The following MAST4 variants were observed in gnomAD, a reference collection of about 807,000 sequenced individuals.
MAST4 encodes the protein microtubule-associated serine/threonine-protein kinase 4.
MAST4 carries 89 observed loss-of-function variants against 162.7 expected under a neutral mutation model. That is an observed-to-expected ratio of 0.55 (90% CI 0.46 to 0.65). The LOEUF (loss-of-function observed/expected upper bound fraction) is 0.65. MAST4 is among the 30% of genes least tolerant of loss of function. The pLI is 0.00. For synonymous variants in MAST4, 1,479 were observed against 1,361.1 expected, an observed-to-expected ratio of 1.09 and a Z score of -1.91; for missense variants, 3,153 against 3,374.0, an observed-to-expected ratio of 0.93 and a Z score of 1.62.
chr5:66,833,432 A>G (rs961630776), intron 3 of MAST4, among the ~76,000 whole-genome samples: 2 of 152,150 alleles, frequency 1.3e-5, no homozygotes, highest in Non-Finnish European at 1.5e-5. Flanking sequence ...CCCAGAGTCC[A>G]TATCACTGCC....
chr5:67,046,905 A>G (rs569257662), intron 4 of MAST4, among the ~76,000 whole-genome samples: 8 of 152,206 alleles, frequency 5.3e-5, no homozygotes, highest in Non-Finnish European at 1.2e-4. Context: ...AAGGTCAAGT[A>G]TCAAGCCAAT....
intron 1 of MAST4, among the ~76,000 whole-genome samples, chr5:66,597,761 A>G (rs1233542730): frequency 2.0e-5 from 3 of 152,126 alleles, no homozygotes; most frequent in Non-Finnish European, 4.4e-5. Context: ...GTTCCTCCAG[A>G]ACTTGTGGGT....
At chr5:66,674,109 G>A (rs1369893946) in intron 1 of MAST4, among the ~76,000 whole-genome samples, 1 of 152,166 alleles carries the variant, frequency 6.6e-6, no homozygotes, top group Non-Finnish European at 1.5e-5. Flanking sequence ...TAATCATTGG[G>A]TCATACAACC....
At chr5:66,919,322 A>G (rs1481270818) in intron 4 of MAST4, among the ~76,000 whole-genome samples, 2 of 152,098 alleles carry the variant, frequency 1.3e-5, no homozygotes, top group African/African-American at 4.8e-5. Context: ...ATATGAACTT[A>G]TCATCTTTAC....
Position 66,608,977 on chromosome 5 carries a change from A to C in MAST4, c.363+11959A>C, listed in dbSNP as rs113123534. ...TCTTAACACTAGAAGATATTGTTCTAGATGGAATCACAAAGGATGGTTTTT... is the reference window on the plus strand; with the variant it reads ...TCTTAACACTAGAAGATATTGTTCTCGATGGAATCACAAAGGATGGTTTTT... On this transcript the variant is annotated intron_variant, in intron 1 of 28. Coordinates refer to ENST00000403625, the MANE Select transcript of MAST4 (RefSeq NM_001164664.2). Among the ~76,000 whole-genome samples the C allele has an allele frequency of 7.0e-3, 1,064 of 152,074 alleles. 9 individuals carry two copies. The highest frequency in any genetic ancestry group is 0.025 in the African/African-American group (1,021 of 41,476).
At chr5:66,644,598 G>C (rs1448751603) in intron 1 of MAST4, among the ~76,000 whole-genome samples, 1 of 152,112 alleles carries the variant, frequency 6.6e-6, no homozygotes, top group African/African-American at 2.4e-5. Context: ...GCCTCCAAAG[G>C]ATACAAGTAG....
At chr5:66,619,437 G>A (rs903409746) in intron 1 of MAST4, among the ~76,000 whole-genome samples, 1 of 152,134 alleles carries the variant, frequency 6.6e-6, no homozygotes, top group Non-Finnish European at 1.5e-5. Flanking sequence ...GCAGAATCCT[G>A]TGGAATTTTG....
Position 66,958,137 on chromosome 5 carries a change from G to T in MAST4, c.674+58155G>T, listed in dbSNP as rs188385739. On this transcript the variant is annotated intron_variant, in intron 4 of 28. Coordinates refer to ENST00000403625, the MANE Select transcript of MAST4 (RefSeq NM_001164664.2). ...TCTCTCTCTTTGTGTGTGTGTGTAT[G>T]TGTGAAAGAGAAAGAGAGAGAGAGA... 2.0e-5 allele frequency among the ~76,000 whole-genome samples: 3 copies of T among 151,708 alleles called. No individual in the cohort carries two copies. The East Asian group carries it at 5.8e-4, about 29-fold the overall frequency.
At chr5:66,613,011 A>G (rs191085725) in intron 1 of MAST4, among the ~76,000 whole-genome samples, 1 of 152,302 alleles carries the variant, frequency 6.6e-6, no homozygotes, top group East Asian at 1.9e-4. Flanking sequence ...ATGGCTTTGT[A>G]TCTTATCAAG....
At chr5:67,080,674 C>G (rs1223420143) in intron 5 of MAST4, among the ~76,000 whole-genome samples, 1 of 151,876 alleles carries the variant, frequency 6.6e-6, no homozygotes, top group Non-Finnish European at 1.5e-5. Context: ...CTTAGTTTTG[C>G]TTCTGATAAT....
intron 5 of MAST4, among the ~76,000 whole-genome samples, chr5:67,069,780 T>C (rs1413762049): frequency 6.6e-6 from 1 of 152,098 alleles, no homozygotes; most frequent in Non-Finnish European, 1.5e-5. Context: ...CTAAAGCCTA[T>C]TTTTGCACAT....
chr5:67,035,356 G>A (rs1755876461), intron 4 of MAST4, among the ~76,000 whole-genome samples: 2 of 151,798 alleles, frequency 1.3e-5, no homozygotes, highest in Non-Finnish European at 1.5e-5. Context: ...GATAGACTTT[G>A]GCTAAAAAAA....
At chr5:66,722,631 A>G (rs1351807990) in intron 1 of MAST4, among the ~76,000 whole-genome samples, 3 of 152,220 alleles carry the variant, frequency 2.0e-5, no homozygotes, top group Non-Finnish European at 4.4e-5. Context: ...AGGGAACTCA[A>G]TGAATATTTG....
chr5:66,651,248 A>G (rs1310865257), intron 1 of MAST4, among the ~76,000 whole-genome samples: 1 of 151,906 alleles, frequency 6.6e-6, no homozygotes, highest in Non-Finnish European at 1.5e-5. Flanking sequence ...ATTTAGGGGT[A>G]AAAAATGAAG....
At chr5:67,103,034 T>C (rs974469030) in intron 9 of MAST4, among the ~76,000 whole-genome samples, 1 of 152,272 alleles carries the variant, frequency 6.6e-6, no homozygotes, top group African/African-American at 2.4e-5. Flanking sequence ...TTGTTGTTTT[T>C]CCACATTACT....
intron 1 of MAST4, among the ~76,000 whole-genome samples, chr5:66,722,357 T>C (rs1751264244): frequency 2.0e-5 from 3 of 152,106 alleles, no homozygotes; most frequent in African/African-American, 7.2e-5. Flanking sequence ...CCTTAACTCC[T>C]TTAAGTCTTC....
Position 67,152,696 on chromosome 5 carries a change from CCTT to C in MAST4, c.3363_3365del (p.Ser1122del), listed in dbSNP as rs760780496. The C allele has an allele frequency of 6.9e-5, 112 of 1,613,948 alleles. No individual in the cohort carries two copies. The highest frequency in any genetic ancestry group is 4.4e-4 in the African/African-American group (33 of 74,942). ...GTCTCCCCATTCCCTGTCCTCGGAC[CCTT>C]CTTCTTCACGAGATTCCTCTCCCAG... On this transcript the variant is annotated inframe_deletion, in exon 25 of 29. Coordinates refer to ENST00000403625, the MANE Select transcript of MAST4 (RefSeq NM_001164664.2).
chr5:66,948,210 C>T (rs183446226), intron 4 of MAST4, among the ~76,000 whole-genome samples: 3 of 152,138 alleles, frequency 2.0e-5, no homozygotes, highest in South Asian at 2.1e-4. Context: ...TGCCACATTC[C>T]GAATTGGATT....
intron 1 of MAST4, among the ~76,000 whole-genome samples, chr5:66,721,229 CAGTCAGATTCCTCT>C (rs1751190349): frequency 6.6e-6 from 1 of 152,140 alleles, no homozygotes; most frequent in Non-Finnish European, 1.5e-5. Flanking sequence ...CTCTGCTGTG[CAGTCAGATTCCTCT>C]AGAGTTATAC....
Sources: allele counts gnomAD v4.1 joint callset (sites outside exome capture counted in the v4.1 genomes callset), GRCh38; gene constraint gnomAD v4.1.1; transcripts MANE v1.5; gene names NCBI Gene and HGNC (gene_info 2026-07-23, HGNC 2026-07-21).